The following ATAD5 variants were observed in gnomAD, a reference collection of about 807,000 sequenced individuals.
ATAD5 encodes the protein ATPase family AAA domain-containing protein 5.
ATAD5 carries 58 observed loss-of-function variants against 176.9 expected under a neutral mutation model. The ratio of observed to expected loss-of-function variants is 0.33; its 90% CI spans 0.27 to 0.41. The LOEUF (loss-of-function observed/expected upper bound fraction) is 0.41. Among genes scored for constraint, ATAD5 ranks in the 10% least tolerant of loss-of-function variants. ATAD5 has a pLI of 1.00. For synonymous variants in ATAD5, 640 were observed against 712.6 expected (o/e 0.90, Z 1.62); for missense variants, 1,789 against 2,094.1 (o/e 0.85, Z 2.84).
intron 6 of ATAD5, among the ~76,000 whole-genome samples, chr17:30,854,739 T>C (rs981451706): frequency 2.0e-5 from 3 of 151,960 alleles, no homozygotes; most frequent in Non-Finnish European, 4.4e-5. Flanking sequence ...TGTTTTGTTT[T>C]GTTTTGTTTT....
chr17:30,871,496 C>T (rs917139554), intron 14 of ATAD5, among the ~76,000 whole-genome samples: 1 of 151,540 alleles, frequency 6.6e-6, no homozygotes, highest in South Asian at 2.1e-4. Flanking sequence ...TATAGGCAAC[C>T]GCCACCACGC....
intron 7 of ATAD5, among the ~76,000 whole-genome samples, chr17:30,855,539 T>C (rs549606948): frequency 1.3e-5 from 2 of 152,168 alleles, no homozygotes; most frequent in East Asian, 3.9e-4. Context: ...TCAAGTTTCT[T>C]GTATAAAATG....
intron 3 of ATAD5, among the ~76,000 whole-genome samples, chr17:30,838,211 T>C (rs1241711757): frequency 6.6e-6 from 1 of 152,242 alleles, no homozygotes; most frequent in Non-Finnish European, 1.5e-5. Flanking sequence ...AATGGTTTAG[T>C]TGTTTCGGCA....
chr17:30,855,030 A>G (rs1907208415), intron 6 of ATAD5, 113 bp from the exon 7 acceptor site: 3 of 988,162 alleles, frequency 3.0e-6, no homozygotes, highest in Admixed American at 3.1e-5. Flanking sequence ...AAGTACTTAT[A>G]TTACAGGCAT....
At chr17:30,850,408 T>G (rs1906803779) in intron 6 of ATAD5, among the ~76,000 whole-genome samples, 1 of 151,108 alleles carries the variant, frequency 6.6e-6, no homozygotes. Flanking sequence ...TTGCCCAGGC[T>G]GGAGTGCAGT....
At chr17:30,851,495 C>G (rs1457026228) in intron 6 of ATAD5, among the ~76,000 whole-genome samples, 1 of 105,394 alleles carries the variant, frequency 9.5e-6, no homozygotes, top group South Asian at 3.0e-4. Flanking sequence ...GACTCTGTCT[C>G]AAAAAAAAAA....
chr17:30,840,826 G>A, intron 4 of ATAD5, 45 bp downstream of exon 4: 1 of 1,543,506 alleles, frequency 6.5e-7, no homozygotes, highest in Non-Finnish European at 8.8e-7. Flanking sequence ...CTCCTATTTT[G>A]CTGTTTGGAG....
At chr17:30,855,846 G>A (rs1379150758) in intron 7 of ATAD5, among the ~76,000 whole-genome samples, 1 of 150,000 alleles carries the variant, frequency 6.7e-6, no homozygotes, top group Non-Finnish European at 1.5e-5. Context: ...GTGACAGAGC[G>A]AGACCCTGTC....
At chr17:30,888,414 C>T (rs920702453) in intron 19 of ATAD5, among the ~76,000 whole-genome samples, 2 of 151,768 alleles carry the variant, frequency 1.3e-5, no homozygotes, top group African/African-American at 4.8e-5. Flanking sequence ...CATGGTGGTG[C>T]GTGTCTGTGG....
rs4968225 is a variant in ATAD5, at chr17:30,847,331, G to A, written c.2450+2415G>A. Among the ~76,000 whole-genome samples, 35 of 143,160 alleles carry A rather than the reference G, an allele frequency of 2.4e-4. No homozygotes were observed. The South Asian group carries it at 7.2e-3, about 29-fold the overall frequency. The allele number at this position is 143,160 out of a possible 152,430, so 93.9% of individuals were successfully genotyped here. A position where few individuals can be genotyped will look rare whatever the true frequency, so the allele number is the denominator to read the frequency against. On this transcript the variant is annotated intron_variant, in intron 6 of 22. Coordinates refer to ENST00000321990, the MANE Select transcript of ATAD5 (RefSeq NM_024857.5). ...GAATATGCCGCTATATATATATAGA[G>A]AGAGAGAGAGAGAGAGAGAGATGGA...
chr17:30,840,490 C>G, intron 3 of ATAD5, 127 bp from the exon 4 acceptor site: 2 of 658,348 alleles, frequency 3.0e-6, no homozygotes, highest in Non-Finnish European at 4.6e-6. Flanking sequence ...ATTTAAGGCC[C>G]CTGGTAAGAT....
intron 3 of ATAD5, among the ~76,000 whole-genome samples, chr17:30,839,583 T>C (rs1407337123): frequency 3.6e-5 from 5 of 138,212 alleles, no homozygotes; most frequent in South Asian, 2.3e-4. Context: ...CCATCTTCTT[T>C]TTTTTTTTTT....
intron 4 of ATAD5, among the ~76,000 whole-genome samples, chr17:30,841,572 C>T (rs978005800): frequency 5.3e-5 from 8 of 152,072 alleles, no homozygotes; most frequent in Non-Finnish European, 1.0e-4. Flanking sequence ...CATCCATTAC[C>T]GTAGTCAATT....
chr17:30,871,835 A>C (rs557570902), intron 14 of ATAD5, among the ~76,000 whole-genome samples: 1 of 152,112 alleles, frequency 6.6e-6, no homozygotes, highest in African/African-American at 2.4e-5. Flanking sequence ...TAAATTTATC[A>C]ATCCTGCACT....
At position 30,894,698 on chromosome 17, in the gene ATAD5, A is replaced by C; in HGVS notation, c.5432A>C (p.Lys1811Thr). Residue 1811 changes from lysine (K) to threonine (T), a missense_variant, in exon 22 of 23, where the codon AAA becomes ACA. By Grantham distance (78) the Lys-to-Thr change is moderately conservative. Around this residue, in one of 6 missense-constraint regions of ATAD5, gnomAD observed 403 missense variants for 495.1 expected, o/e 0.81. Transcript: ENST00000321990. Reference protein sequence around the residue: ...LRNICKTEKLKEQGKSKRRFL... With the variant: ...LRNICKTEKLTEQGKSKRRFL... ...AACATCTGTAAGACTGAGAAGCTAA[A>C]AGAACAAGGAAAAAGTAAAAGAAGG... The C allele has an allele frequency of 6.2e-7, 1 of 1,607,856 alleles. No homozygotes were observed. Among genetic ancestry groups the C allele is most frequent in the Non-Finnish European group, 8.5e-7 (1 of 1,178,238 alleles).
intron 6 of ATAD5, among the ~76,000 whole-genome samples, chr17:30,848,993 C>G (rs1263809807): frequency 1.3e-5 from 2 of 152,146 alleles, no homozygotes; most frequent in Non-Finnish European, 2.9e-5. Context: ...GCATCAGCCT[C>G]CTGAGTAGCT....
At chr17:30,883,275 CCACCA>C (rs1909131343) in intron 18 of ATAD5, among the ~76,000 whole-genome samples, 1 of 151,912 alleles carries the variant, frequency 6.6e-6, no homozygotes, top group African/African-American at 2.4e-5. Flanking sequence ...TAGGCATGTG[CCACCA>C]CGCCCAGCTA....
chr17:30,854,787 C>T (rs1253900694), intron 6 of ATAD5, among the ~76,000 whole-genome samples: 1 of 151,942 alleles, frequency 6.6e-6, no homozygotes, highest in African/African-American at 2.4e-5. Flanking sequence ...CACTCTGTTG[C>T]CCAGACTGGA....
chr17:30,850,900 T>TG, intron 6 of ATAD5, among the ~76,000 whole-genome samples: 2 of 75,784 alleles, frequency 2.6e-5, no homozygotes, highest in African/African-American at 5.1e-5. Flanking sequence ...TTTTTTTTTT[T>TG]TTGAGATAGA....
Sources: gnomAD v4.1 joint callset for allele counts (sites outside exome capture counted in the v4.1 genomes callset) on GRCh38, gnomAD v4.1.1 for gene constraint, gnomAD v4.1.1 regional missense constraint, MANE v1.5 for transcripts, NCBI Gene and HGNC (gene_info 2026-07-23, HGNC 2026-07-21) for gene names.